The following PTPRD variants were observed in gnomAD, a reference collection of about 807,000 sequenced individuals.
PTPRD encodes the protein protein tyrosine phosphatase receptor type D.
Under a neutral mutation model 214.5 loss-of-function variants are expected in PTPRD, and 34 were observed. That is an observed-to-expected ratio of 0.16 (90% CI 0.12 to 0.21). PTPRD has a LOEUF of 0.21. Among genes scored for constraint, PTPRD ranks in the 10% least tolerant of loss-of-function variants. The probability of loss-of-function intolerance (pLI) is 1.00; values close to 1 mark genes in which losing one functional copy is unlikely to be tolerated. For missense variants in PTPRD, 2,545 were observed against 2,398.7 expected (o/e 1.06, Z -1.27); for synonymous variants, 1,128 against 845.7 (o/e 1.33, Z -5.79).
chr9:8,964,611 G>C (rs1055174962), intron 11 of PTPRD, among the ~76,000 whole-genome samples: 1 of 151,750 alleles, frequency 6.6e-6, no homozygotes, highest in African/African-American at 2.4e-5. Context: ...AGTTGGTTTT[G>C]TCTTGTTTTT....
At chr9:8,537,746 A>C (rs2077301446) in intron 14 of PTPRD, among the ~76,000 whole-genome samples, 1 of 152,016 alleles carries the variant, frequency 6.6e-6, no homozygotes, top group Non-Finnish European at 1.5e-5. Flanking sequence ...CATTTTGAGG[A>C]GTTTGCAAGG....
chr9:9,791,401 C>T (rs1402461812), intron 5 of PTPRD, among the ~76,000 whole-genome samples: 1 of 152,008 alleles, frequency 6.6e-6, no homozygotes, highest in African/African-American at 2.4e-5. Flanking sequence ...TGAACCTGTG[C>T]AATTATAATA....
chr9:9,681,646 C>G (rs1296337178), intron 7 of PTPRD, among the ~76,000 whole-genome samples: 2 of 151,760 alleles, frequency 1.3e-5, no homozygotes, highest in Non-Finnish European at 2.9e-5. Flanking sequence ...TGCGTCCCTT[C>G]TCCTTACATC....
chr9:9,280,876 A>G (rs946559085), intron 9 of PTPRD, among the ~76,000 whole-genome samples: 1 of 151,262 alleles, frequency 6.6e-6, no homozygotes, highest in Non-Finnish European at 1.5e-5. Flanking sequence ...GAGACTTCCT[A>G]TAAAGCTAGT....
At position 8,514,935 on chromosome 9, in the gene PTPRD, T is replaced by G. The variant is rs57065250; in HGVS notation, c.1543+2913A>C. ...GATCTAATGGTTTTATAAGGGGCTC[T>G]TCCCCCTTTGCTCTTCTCTCTCCTG... is the stretch of plus-strand genomic sequence containing the variant. On this transcript the variant is annotated intron_variant, in intron 21 of 45. Coordinates refer to ENST00000381196, the MANE Select transcript of PTPRD (RefSeq NM_002839.4). Among the ~76,000 whole-genome samples, 286 of 152,278 alleles carry G rather than the reference T, an allele frequency of 1.9e-3. 1 individual carries two copies. The highest frequency in any genetic ancestry group is 6.3e-3 in the African/African-American group (263 of 41,566).
At chr9:10,267,014 C>T (rs1595739048) in intron 3 of PTPRD, among the ~76,000 whole-genome samples, 2 of 151,696 alleles carry the variant, frequency 1.3e-5, no homozygotes, top group East Asian at 3.9e-4. Context: ...CATGGTGAAA[C>T]CCCGTCTCTA....
intron 2 of PTPRD, among the ~76,000 whole-genome samples, chr9:10,405,403 G>T (rs1335434294): frequency 6.6e-6 from 1 of 151,560 alleles, no homozygotes; most frequent in Non-Finnish European, 1.5e-5. Context: ...AAACTTTCTG[G>T]TCCTGGAGGG....
Position 9,272,908 on chromosome 9 carries a change from A to G in PTPRD, c.-202-89545T>C, listed in dbSNP as rs35732671. Among the ~76,000 whole-genome samples the G allele has an allele frequency of 4.7e-3, 709 of 151,418 alleles. 2 individuals carry two copies. The highest frequency in any genetic ancestry group is 8.7e-3 in the South Asian group (42 of 4,820). On this transcript the variant is annotated intron_variant, in intron 9 of 45. Coordinates refer to ENST00000381196, the MANE Select transcript of PTPRD (RefSeq NM_002839.4). ...TTTTCAGGGGAAACAGCAACACTGC[A>G]CATACAAGCTTGAGGTAATTTATAG...
intron 3 of PTPRD, among the ~76,000 whole-genome samples, chr9:10,078,176 T>C (rs1456744307): frequency 1.3e-5 from 2 of 151,822 alleles, no homozygotes; most frequent in Non-Finnish European, 2.9e-5. Context: ...TCAAATATCT[T>C]ATACCAATAA....
intron 3 of PTPRD, among the ~76,000 whole-genome samples, chr9:10,160,525 A>G (rs2099121285): frequency 6.6e-6 from 1 of 151,968 alleles, no homozygotes; most frequent in Admixed American, 6.6e-5. Context: ...ATACAATATA[A>G]TATTCCTTTA....
chr9:9,826,499 G>C (rs1251759929), intron 5 of PTPRD, among the ~76,000 whole-genome samples: 4 of 151,862 alleles, frequency 2.6e-5, no homozygotes, highest in Non-Finnish European at 4.4e-5. Context: ...CTAATCCAGA[G>C]ACAGTACCAT....
chr9:9,885,075 T>G (rs1483980556), intron 5 of PTPRD, among the ~76,000 whole-genome samples: 1 of 151,970 alleles, frequency 6.6e-6, no homozygotes, highest in Non-Finnish European at 1.5e-5. Flanking sequence ...GTGCCTGTAG[T>G]AACACAAAAA....
At chr9:10,315,100 T>C (rs1262822535) in intron 3 of PTPRD, among the ~76,000 whole-genome samples, 3 of 151,996 alleles carry the variant, frequency 2.0e-5, no homozygotes, top group Non-Finnish European at 4.4e-5. Flanking sequence ...TATGCACATG[T>C]AGTTCATTTT....
intron 10 of PTPRD, among the ~76,000 whole-genome samples, chr9:9,097,600 C>G (rs1200881973): frequency 6.6e-5 from 10 of 151,798 alleles, no homozygotes; most frequent in Non-Finnish European, 4.4e-5. Context: ...TTAGTAGAGA[C>G]AGGGTTTCAC....
intron 35 of PTPRD, 25 bp downstream of exon 35, chr9:8,436,567 G>C (rs369495796): frequency 6.5e-7 from 1 of 1,546,922 alleles, no homozygotes; most frequent in African/African-American, 1.4e-5. Context: ...TGAAATTACT[G>C]TAAAGAATAA....
At chr9:10,372,892 C>T (rs995462706) in intron 2 of PTPRD, among the ~76,000 whole-genome samples, 24 of 150,202 alleles carry the variant, frequency 1.6e-4, no homozygotes, top group Non-Finnish European at 2.4e-4. Context: ...CTCTATCACC[C>T]AGGTTGGAGT....
chr9:9,317,555 C>G (rs1416189330), intron 9 of PTPRD, among the ~76,000 whole-genome samples: 2 of 152,006 alleles, frequency 1.3e-5, no homozygotes, highest in East Asian at 3.9e-4. Context: ...GCTATTGCGT[C>G]TATGGCCTGC....
chr9:9,669,912 G>A (rs756376166), intron 7 of PTPRD, among the ~76,000 whole-genome samples: 1 of 152,038 alleles, frequency 6.6e-6, no homozygotes, highest in African/African-American at 2.4e-5. Context: ...TGACATCAAC[G>A]ACTGTAAAGT....
chr9:9,528,658 G>C (rs929115548), intron 8 of PTPRD, among the ~76,000 whole-genome samples: 1 of 151,976 alleles, frequency 6.6e-6, no homozygotes, highest in Non-Finnish European at 1.5e-5. Context: ...ACTCCAAGAA[G>C]TATTGTAATG....
Sources: gnomAD v4.1 joint callset for allele counts (sites outside exome capture counted in the v4.1 genomes callset) on GRCh38, gnomAD v4.1.1 for gene constraint, MANE v1.5 for transcripts, NCBI Gene and HGNC (gene_info 2026-07-23, HGNC 2026-07-21) for gene names.